MACF1: variants seen among roughly 807,000 people sequenced by gnomAD.
MACF1 encodes the protein microtubule actin crosslinking factor 1.
A neutral mutation model predicts 854.8 loss-of-function variants in MACF1; 193 were observed. The ratio of observed to expected loss-of-function variants is 0.23; its 90% CI spans 0.20 to 0.25. The LOEUF (loss-of-function observed/expected upper bound fraction) is 0.25, where lower values mean the gene tolerates loss of function less well. Among genes scored for constraint, MACF1 ranks in the 10% least tolerant of loss-of-function variants. The pLI is 1.00. For missense variants in MACF1, 7,722 were observed against 8,929.1 expected, an observed-to-expected ratio of 0.86 and a Z score of 5.45; for synonymous variants, 3,185 against 3,226.7, an observed-to-expected ratio of 0.99 and a Z score of 0.44.
intron 58 of MACF1, chr1:39,411,488 C>T (rs1569947325): frequency 1.2e-6 from 2 of 1,613,604 alleles, no homozygotes; most frequent in Non-Finnish European, 1.7e-6. Flanking sequence ...GACCAGTTGG[C>T]TACTGTTCCC....
rs372606214 is a variant in MACF1 at position 39,427,611 on chromosome 1, C to A, written c.16473C>A (p.His5491Gln). ...AAATACAGCAGCAGATCATTCGGCA[C>A]AAGGTAGGGAGTGGTTACAGTAAAT... ...TAKIQQQIIR[H>Q]KALEEDIENH... Residue 5491 changes from histidine to glutamine, a missense_variant, in exon 62 of 101, where the codon CAC becomes CAA. This residue lies in a region of MACF1 where 2,807 missense variants were observed against 3,235.8 expected (regional missense o/e 0.87). Transcript: ENST00000564288. 6.8e-6 allele frequency: 11 copies of A among 1,613,472 alleles called. No homozygotes were observed. In the Admixed American group the frequency reaches 1.8e-4, roughly 27 times the overall value.
chr1:39,175,088 T>C (rs897640095), intron 2 of MACF1, among the ~76,000 whole-genome samples: 5 of 152,184 alleles, frequency 3.3e-5, no homozygotes, highest in Admixed American at 2.6e-4. Flanking sequence ...TTGTCTTTAG[T>C]TTTTAGAAGG....
intron 6 of MACF1, among the ~76,000 whole-genome samples, chr1:39,272,737 G>C (rs1645348781): frequency 6.6e-6 from 1 of 152,140 alleles, no homozygotes; most frequent in African/African-American, 2.4e-5. Flanking sequence ...GTAGGGTTTA[G>C]ATAGTAGAAT....
chr1:39,457,720 T>G (rs1413816768), intron 89 of MACF1: 1 of 152,442 alleles, frequency 6.6e-6, no homozygotes, highest in African/African-American at 2.4e-5. Context: ...GTCACAGCAC[T>G]GTCAGGCATC....
chr1:39,244,259 C>T (rs1486733203), intron 2 of MACF1, among the ~76,000 whole-genome samples: 1 of 151,640 alleles, frequency 6.6e-6, no homozygotes, highest in Non-Finnish European at 1.5e-5. Flanking sequence ...CGCGCCCCAC[C>T]ACGCCCCGCT....
intron 2 of MACF1, among the ~76,000 whole-genome samples, chr1:39,098,594 A>G (rs1641991476): frequency 6.6e-6 from 1 of 152,124 alleles, no homozygotes; most frequent in Non-Finnish European, 1.5e-5. Context: ...GCCTCTGCTC[A>G]TTTCTTCCAG....
chr1:39,484,355 G>A (rs576089076), intron 99 of MACF1, among the ~76,000 whole-genome samples: 25 of 151,394 alleles, frequency 1.7e-4, no homozygotes, highest in Admixed American at 2.6e-4. Context: ...ATTTCTAGGG[G>A]AAATTAGTAA....
chr1:39,408,845 C>T (rs981619539), intron 58 of MACF1, among the ~76,000 whole-genome samples: 37 of 151,980 alleles, frequency 2.4e-4, no homozygotes, highest in Non-Finnish European at 2.9e-5. Context: ...GCTCCGAATC[C>T]CGCAGAAGCC....
intron 61 of MACF1, among the ~76,000 whole-genome samples, chr1:39,424,999 C>T (rs969323543): frequency 9.2e-5 from 14 of 152,128 alleles, no homozygotes; most frequent in Admixed American, 3.3e-4. Flanking sequence ...GTATGGCTTG[C>T]CTATGTTAGT....
chr1:39,407,344 T>C (rs1309783516), intron 58 of MACF1, among the ~76,000 whole-genome samples: 1 of 152,218 alleles, frequency 6.6e-6, no homozygotes, highest in African/African-American at 2.4e-5. Context: ...AGGTCAGACA[T>C]TATTGGGTCT....
intron 90 of MACF1, chr1:39,458,767 C>CATTT (rs1283592167): frequency 5.9e-6 from 3 of 506,196 alleles, no homozygotes; most frequent in Middle Eastern, 5.1e-4. Context: ...TAGCTGTTTA[C>CATTT]ATTTGGCTTG....
intron 20 of MACF1, 49 bp downstream of exon 20, chr1:39,295,931 A>C: frequency 1.3e-6 from 2 of 1,522,776 alleles, no homozygotes; most frequent in Non-Finnish European, 1.8e-6. Flanking sequence ...TGTATGTTAA[A>C]GGTGAGGTTA....
intron 41 of MACF1, 129 bp from the exon 42 acceptor site, chr1:39,349,349 C>A: frequency 1.2e-6 from 1 of 852,096 alleles, no homozygotes; most frequent in East Asian, 2.6e-5. Flanking sequence ...ATGTCTTTTC[C>A]TATTCTAGTC....
chr1:39,271,275 TC>T (rs1645314869), intron 6 of MACF1, among the ~76,000 whole-genome samples: 1 of 152,132 alleles, frequency 6.6e-6, no homozygotes, highest in Admixed American at 6.5e-5. Flanking sequence ...AAACTTACAA[TC>T]TTGGTGGAAG....
At chr1:39,293,430 C>G in intron 17 of MACF1, 28 bp from the exon 18 acceptor site, 1 of 1,586,472 alleles carries the variant, frequency 6.3e-7, no homozygotes, top group Non-Finnish European at 8.6e-7. Flanking sequence ...GGCTGCCAGT[C>G]TAATCTTATA....
At chr1:39,361,298 T>C (rs1379803138) in intron 48 of MACF1, 62 bp from the exon 49 acceptor site, 5 of 1,511,870 alleles carry the variant, frequency 3.3e-6, no homozygotes, top group East Asian at 4.5e-5. Context: ...AGTTATTAGT[T>C]TGTGGCTCAG....
At chr1:39,300,479 T>G in intron 22 of MACF1, 117 bp downstream of exon 22, 1 of 1,089,066 alleles carries the variant, frequency 9.2e-7, no homozygotes, top group South Asian at 1.8e-5. Flanking sequence ...AATTAGAATT[T>G]AAACATGCTG....
chr1:39,308,165 A>T (rs533688127), intron 23 of MACF1, among the ~76,000 whole-genome samples: 2 of 151,880 alleles, frequency 1.3e-5, no homozygotes, highest in African/African-American at 2.4e-5. Flanking sequence ...CGGCCTCCCA[A>T]AGTGCTGGGA....
At chr1:39,186,170 A>ATCCCTCTCTCTCTCTCTCTCTCTC (rs1644165743) in intron 2 of MACF1, among the ~76,000 whole-genome samples, 2 of 109,960 alleles carry the variant, frequency 1.8e-5, no homozygotes, top group Non-Finnish European at 3.7e-5. Flanking sequence ...GATTCTGAAC[A>ATCCCTCTCTCTCTCTCTCTCTCTC]TCTCTCTCTC....
Sources: allele counts gnomAD v4.1 joint callset (sites outside exome capture counted in the v4.1 genomes callset), GRCh38; gene constraint gnomAD v4.1.1; regional missense constraint gnomAD v4.1.1; transcripts MANE v1.5; gene names NCBI Gene and HGNC (gene_info 2026-07-23, HGNC 2026-07-21).